The following CYSLTR1 variants were observed in gnomAD, a reference collection of about 807,000 sequenced individuals.
CYSLTR1 encodes cysteinyl leukotriene receptor 1, also known as G-protein coupled receptor HG55.
CYSLTR1 carries 1 observed loss-of-function variant against 2.1 expected under a neutral mutation model. The observed-to-expected ratio is 0.48, with a 90% confidence interval of 0.17 to 2.28. The LOEUF is 2.28. Ranked by LOEUF, CYSLTR1 falls within the 30% of genes most tolerant of loss-of-function variation. The pLI is 0.26. For missense variants in CYSLTR1, 299 were observed against 250.1 expected (o/e 1.20, Z -1.32); for synonymous variants, 110 against 89.6 (o/e 1.23, Z -1.28).
chrX:78,277,667 C>T (rs1281296879), intron 2 of CYSLTR1, among the ~76,000 whole-genome samples: 2 of 111,598 alleles, frequency 1.8e-5, no homozygotes, highest in Non-Finnish European at 3.8e-5. Context: ...GGCTGAATCT[C>T]GGACCCCTGA....
chrX:78,295,409 A>G (rs1197060918), intron 1 of CYSLTR1, among the ~76,000 whole-genome samples: 1 of 102,524 alleles, frequency 9.8e-6, no homozygotes, highest in East Asian at 3.0e-4. Context: ...GTATATATCC[A>G]GCAGTGGGAG....
intron 2 of CYSLTR1, among the ~76,000 whole-genome samples, chrX:78,275,564 C>T (rs765551225): frequency 1.0e-5 from 1 of 98,795 alleles, no homozygotes; most frequent in African/African-American, 3.8e-5. Context: ...GGAAACATCA[C>T]ACACCGGGGC....
At chrX:78,326,653 A>G (rs1923870783) in intron 1 of CYSLTR1, among the ~76,000 whole-genome samples, 2 of 112,538 alleles carry the variant, frequency 1.8e-5, no homozygotes, top group South Asian at 7.2e-4. Flanking sequence ...CTGAGTTACT[A>G]AATAGATCAT....
At chrX:78,320,744 C>A (rs1188683249) in intron 1 of CYSLTR1, 5 of 111,603 alleles carry the variant, frequency 4.5e-5, no homozygotes, top group Non-Finnish European at 7.5e-5. Context: ...TACCCATGAG[C>A]ATGGAATGTT....
chrX:78,326,961 T>C (rs192736876), intron 1 of CYSLTR1, among the ~76,000 whole-genome samples: 50 of 112,123 alleles, frequency 4.5e-4, no homozygotes, highest in African/African-American at 1.6e-3. Context: ...TGTCACTACA[T>C]TAGAGAAACT....
chrX:78,303,993 G>A (rs1360334325), intron 1 of CYSLTR1, among the ~76,000 whole-genome samples: 2 of 111,423 alleles, frequency 1.8e-5, no homozygotes, highest in Admixed American at 1.9e-4. Context: ...AGAGAAACAC[G>A]GACATAAGTT....
intron 1 of CYSLTR1, among the ~76,000 whole-genome samples, chrX:78,326,407 T>C: frequency 8.9e-6 from 1 of 112,327 alleles, no homozygotes; most frequent in African/African-American, 3.2e-5. Flanking sequence ...TTACAATTTC[T>C]TTTAAAATAA....
intron 1 of CYSLTR1, among the ~76,000 whole-genome samples, chrX:78,312,848 G>T (rs772046470): frequency 8.9e-6 from 1 of 112,152 alleles, no homozygotes; most frequent in Non-Finnish European, 1.9e-5. Context: ...AAAAGAGAGT[G>T]CTTATACACT....
Position 78,272,629 on chromosome X carries a change from T to C in CYSLTR1, c.*104A>G, listed in dbSNP as rs200718483. 4.9e-6 allele frequency: 4 copies of C among 821,430 alleles called. No individual in the cohort carries two copies. The highest frequency in any genetic ancestry group is 4.9e-6 in the Non-Finnish European group (3 of 609,937). 67.7% of individuals were successfully genotyped at this position (821,430 alleles called of 1,213,427 possible). A position where few individuals can be genotyped will look rare whatever the true frequency, so the allele number is the denominator to read the frequency against. On this transcript the variant is annotated 3_prime_UTR_variant, in exon 3 of 3. Coordinates refer to ENST00000373304, the MANE Select transcript of CYSLTR1 (RefSeq NM_006639.4). ...AGTTGTAGGCCCAAATAGTTAAGTA[T>C]TTGTAAAATATTAAGTAAAATTTTT...
At chrX:78,315,283 TC>T (rs1337254229) in intron 1 of CYSLTR1, among the ~76,000 whole-genome samples, 1 of 110,016 alleles carries the variant, frequency 9.1e-6, no homozygotes, top group Non-Finnish European at 1.9e-5. Flanking sequence ...TTGCTGATGG[TC>T]TTTGGTGACA....
chrX:78,325,543 G>A (rs1260357908), intron 1 of CYSLTR1, among the ~76,000 whole-genome samples: 1 of 111,736 alleles, frequency 8.9e-6, no homozygotes. Context: ...CTGTTAACTT[G>A]CCAGAGAACA....
At chrX:78,284,663 A>G (rs1921978637) in intron 1 of CYSLTR1, among the ~76,000 whole-genome samples, 1 of 109,236 alleles carries the variant, frequency 9.2e-6, no homozygotes, top group African/African-American at 3.3e-5. Flanking sequence ...CAGCCTCCCA[A>G]AGTGCTGGGA....
At chrX:78,321,851 A>G (rs1315489304) in intron 1 of CYSLTR1, among the ~76,000 whole-genome samples, 1 of 111,635 alleles carries the variant, frequency 9.0e-6, no homozygotes, top group African/African-American at 3.3e-5. Context: ...AATAGCAGAG[A>G]CAAAAAGATT....
intron 1 of CYSLTR1, chrX:78,319,271 C>A (rs1246566220): frequency 1.4e-5 from 1 of 69,388 alleles, no homozygotes; most frequent in Non-Finnish European, 2.6e-5. Flanking sequence ...CCCCTCCCCC[C>A]ACCCCACAAC....
chrX:78,282,254 T>C (rs952613274), intron 2 of CYSLTR1, among the ~76,000 whole-genome samples: 1 of 112,021 alleles, frequency 8.9e-6, no homozygotes, highest in African/African-American at 3.2e-5. Context: ...GTAATTTCTA[T>C]CTTTGATGAA....
intron 1 of CYSLTR1, among the ~76,000 whole-genome samples, chrX:78,305,748 T>C (rs1315712289): frequency 8.9e-6 from 1 of 112,830 alleles, no homozygotes; most frequent in African/African-American, 3.2e-5. Context: ...CTTTCTGTGA[T>C]TGGGTTATTT....
intron 2 of CYSLTR1, among the ~76,000 whole-genome samples, chrX:78,277,037 G>T (rs1256771297): frequency 1.8e-5 from 2 of 111,355 alleles, no homozygotes; most frequent in African/African-American, 6.5e-5. Flanking sequence ...CTAGCAGGGA[G>T]AACTTCTCAG....
At chrX:78,291,281 C>G (rs1922313359) in intron 1 of CYSLTR1, among the ~76,000 whole-genome samples, 1 of 111,727 alleles carries the variant, frequency 9.0e-6, no homozygotes, top group African/African-American at 3.3e-5. Flanking sequence ...ATATGTCGAA[C>G]CAGCCTTGCA....
chrX:78,275,909 C>G (rs1192497729), intron 2 of CYSLTR1, among the ~76,000 whole-genome samples: 1 of 111,210 alleles, frequency 9.0e-6, no homozygotes, highest in Non-Finnish European at 1.9e-5. Context: ...CTGCAGAACT[C>G]CATGGTAAGA....
Sources: gnomAD v4.1 joint callset for allele counts (sites outside exome capture counted in the v4.1 genomes callset) on GRCh38, gnomAD v4.1.1 for gene constraint, MANE v1.5 for transcripts, NCBI Gene and HGNC (gene_info 2026-07-23, HGNC 2026-07-21) for gene names.